SMPD3: variants seen among roughly 807,000 people sequenced by gnomAD.
SMPD3 encodes nSMase-2.
Under a neutral mutation model 55.7 loss-of-function variants are expected in SMPD3, and 21 were observed. The ratio of observed to expected loss-of-function variants is 0.38; its 90% CI spans 0.27 to 0.54. The LOEUF is 0.54. Among genes scored for constraint, SMPD3 ranks in the 20% least tolerant of loss-of-function variants. The probability of loss-of-function intolerance (pLI) is 0.80; values close to 1 mark genes in which losing one functional copy is unlikely to be tolerated. For missense variants in SMPD3, 842 were observed against 899.6 expected, an observed-to-expected ratio of 0.94 and a Z score of 0.82; for synonymous variants, 457 against 404.3, an observed-to-expected ratio of 1.13 and a Z score of -1.56.
At chr16:68,428,775 G>A (rs2090457471) in intron 1 of SMPD3, among the ~76,000 whole-genome samples, 1 of 152,178 alleles carries the variant, frequency 6.6e-6, no homozygotes, top group South Asian at 2.1e-4. Flanking sequence ...GGCTGGAGGA[G>A]GTCACACTTG....
chr16:68,437,454 C>A (rs2090531955), intron 1 of SMPD3, among the ~76,000 whole-genome samples: 1 of 152,218 alleles, frequency 6.6e-6, no homozygotes, highest in Non-Finnish European at 1.5e-5. Flanking sequence ...TTTGTCATTT[C>A]TCATTAGTTA....
intron 1 of SMPD3, among the ~76,000 whole-genome samples, chr16:68,422,953 T>C (rs1439661394): frequency 6.6e-6 from 1 of 152,152 alleles, no homozygotes; most frequent in East Asian, 1.9e-4. Context: ...CCAGCCTGAT[T>C]TAGAGGATTT....
At chr16:68,407,497 T>C (rs1235549987) in intron 1 of SMPD3, among the ~76,000 whole-genome samples, 2 of 152,210 alleles carry the variant, frequency 1.3e-5, no homozygotes, top group Non-Finnish European at 2.9e-5. Flanking sequence ...TGTTGTATTT[T>C]TAATTTTTAA....
rs1415561536 is a variant in SMPD3, at chr16:68,370,418, C to G, written c.1323+441G>C. Among the ~76,000 whole-genome samples the G allele has an allele frequency of 3.3e-5, 5 of 152,286 alleles. No individual in the cohort carries two copies. The East Asian group carries it at 9.6e-4, about 29-fold the overall frequency. On this transcript the variant is annotated intron_variant, in intron 3 of 8. Coordinates refer to ENST00000219334, the MANE Select transcript of SMPD3 (RefSeq NM_018667.4). ...CCTGATGCGCTTGGTCTGGGCTGGT[C>G]TCTCTGCCTCGTTATGAACCGACAG...
intron 1 of SMPD3, among the ~76,000 whole-genome samples, chr16:68,399,723 C>G (rs1029429404): frequency 6.6e-6 from 1 of 152,212 alleles, no homozygotes; most frequent in Non-Finnish European, 1.5e-5. Flanking sequence ...AGCTGCTGCT[C>G]GCCTGGACTG....
intron 1 of SMPD3, among the ~76,000 whole-genome samples, chr16:68,415,110 G>A (rs1212934610): frequency 6.6e-6 from 1 of 152,266 alleles, no homozygotes; most frequent in East Asian, 1.9e-4. Context: ...CATAAACTGT[G>A]CCATTAGGGA....
At chr16:68,418,099 GC>G (rs1459834001) in intron 1 of SMPD3, among the ~76,000 whole-genome samples, 1 of 152,144 alleles carries the variant, frequency 6.6e-6, no homozygotes, top group Non-Finnish European at 1.5e-5. Flanking sequence ...TGCCGGATCT[GC>G]CCCCACTCCC....
chr16:68,374,731 C>T (rs1040540261), intron 2 of SMPD3, among the ~76,000 whole-genome samples: 1 of 152,202 alleles, frequency 6.6e-6, no homozygotes, highest in Non-Finnish European at 1.5e-5. Flanking sequence ...AGGGTTCCCC[C>T]CCAGCAAACC....
At chr16:68,412,113 G>A (rs965026688) in intron 1 of SMPD3, among the ~76,000 whole-genome samples, 6 of 152,200 alleles carry the variant, frequency 3.9e-5, no homozygotes, top group South Asian at 2.1e-4. Context: ...AGCTGTGCCC[G>A]GGAGGCCAGA....
At chr16:68,363,455 C>A in intron 7 of SMPD3, 41 bp downstream of exon 7, 1 of 1,611,582 alleles carries the variant, frequency 6.2e-7, no homozygotes, top group Non-Finnish European at 8.5e-7. Context: ...CCACCTTAGT[C>A]AGGGTGTGCC....
Position 68,371,999 on chromosome 16 carries a change from G to T in SMPD3, c.183C>A (p.Ala61=). ...DPCCLQLLCT[A]LFTPIYLALL... ...GGGCCAGGTAGATGGGCGTGAAGAG[G>T]GCAGTGCAGAGCAGCTGCAGGCAGC... The change falls in exon 3 of 9, where the codon GCC becomes GCA. Residue 61 remains alanine, a synonymous_variant. Coordinates refer to ENST00000219334, the MANE Select transcript of SMPD3 (RefSeq NM_018667.4). 1 of 1,612,170 alleles carries T rather than the reference G, an allele frequency of 6.2e-7. No individual in the cohort carries two copies. Among genetic ancestry groups the T allele is most frequent in the Non-Finnish European group, 8.5e-7 (1 of 1,179,482 alleles).
chr16:68,410,381 C>A (rs780956137), intron 1 of SMPD3, among the ~76,000 whole-genome samples: 8 of 151,936 alleles, frequency 5.3e-5, no homozygotes, highest in Non-Finnish European at 7.4e-5. Flanking sequence ...ATCTTGGATG[C>A]CAGTCTGAGG....
chr16:68,428,746 T>G (rs895804029), intron 1 of SMPD3, among the ~76,000 whole-genome samples: 11 of 152,204 alleles, frequency 7.2e-5, no homozygotes, highest in South Asian at 4.1e-4. Context: ...CAGAACCCTC[T>G]GTCGATACCT....
At chr16:68,402,567 T>C (rs2090219687) in intron 1 of SMPD3, among the ~76,000 whole-genome samples, 1 of 152,130 alleles carries the variant, frequency 6.6e-6, no homozygotes, top group African/African-American at 2.4e-5. Flanking sequence ...GCGCTGTGCC[T>C]GAATGTTCAA....
At chr16:68,362,922 C>T (rs1339412820) in intron 7 of SMPD3, among the ~76,000 whole-genome samples, 1 of 152,210 alleles carries the variant, frequency 6.6e-6, no homozygotes, top group Non-Finnish European at 1.5e-5. Flanking sequence ...AAGGAACCAT[C>T]GCTGTGACTG....
intron 1 of SMPD3, among the ~76,000 whole-genome samples, chr16:68,407,660 T>C (rs548610830): frequency 6.6e-6 from 1 of 152,330 alleles, no homozygotes; most frequent in South Asian, 2.1e-4. Flanking sequence ...AAAAATTGTT[T>C]TTAATTTTTA....
intron 8 of SMPD3, 119 bp from the exon 9 acceptor site, chr16:68,361,426 G>A (rs2089259026): frequency 2.2e-6 from 3 of 1,357,184 alleles, no homozygotes; most frequent in Admixed American, 1.9e-5. Flanking sequence ...GGACCTTCCT[G>A]CAGTCAGAGG....
At chr16:68,390,980 T>C (rs748864270) in intron 1 of SMPD3, among the ~76,000 whole-genome samples, 4 of 152,194 alleles carry the variant, frequency 2.6e-5, no homozygotes, top group Non-Finnish European at 4.4e-5. Flanking sequence ...TTCAACTTGA[T>C]CTTCCAGTGA....
At chr16:68,432,166 T>C (rs1761644690) in intron 1 of SMPD3, among the ~76,000 whole-genome samples, 1 of 152,058 alleles carries the variant, frequency 6.6e-6, no homozygotes, top group South Asian at 2.1e-4. Context: ...TTTACAATAA[T>C]CCTTTATGGT....
Sources: allele counts gnomAD v4.1 joint callset (sites outside exome capture counted in the v4.1 genomes callset), GRCh38; gene constraint gnomAD v4.1.1; transcripts MANE v1.5; gene names NCBI Gene and HGNC (gene_info 2026-07-23, HGNC 2026-07-21).